SCOC: variants seen among roughly 807,000 people sequenced by gnomAD.
SCOC encodes the protein short coiled-coil protein.
In SCOC, 7 loss-of-function variants were observed where a neutral mutation model predicts 9.9. The ratio of observed to expected loss-of-function variants is 0.71; its 90% CI spans 0.40 to 1.33. SCOC has a LOEUF of 1.33. SCOC is among the 40% of genes most tolerant of loss of function. SCOC has a pLI of 0.01. For synonymous variants in SCOC, 19 were observed against 28.2 expected (o/e 0.67, Z 1.03); for missense variants, 66 against 89.7 (o/e 0.74, Z 1.07).
At chr4:140,347,323 A>G (rs959011727) in intron 2 of SCOC, among the ~76,000 whole-genome samples, 3 of 152,166 alleles carry the variant, frequency 2.0e-5, no homozygotes, top group African/African-American at 7.2e-5. Context: ...AAGATAGTTT[A>G]GGAATCTATG....
At chr4:140,328,983 C>A (rs1335671821) in intron 1 of SCOC, among the ~76,000 whole-genome samples, 1 of 152,138 alleles carries the variant, frequency 6.6e-6, no homozygotes, top group Non-Finnish European at 1.5e-5. Flanking sequence ...AAAGAGCCCA[C>A]ATAGCCAAAG....
intron 2 of SCOC, among the ~76,000 whole-genome samples, chr4:140,354,044 CA>C (rs1347806625): frequency 1.3e-5 from 2 of 152,214 alleles, no homozygotes; most frequent in Non-Finnish European, 2.9e-5. Context: ...TTTTAAAACA[CA>C]TTCTTCTTTT....
chr4:140,355,251 T>TATATATA (rs1560716645), intron 2 of SCOC, among the ~76,000 whole-genome samples: 1 of 140,972 alleles, frequency 7.1e-6, no homozygotes, highest in African/African-American at 2.6e-5. Context: ...ATATATATAA[T>TATATATA]GTATATAAAA....
intron 1 of SCOC, among the ~76,000 whole-genome samples, chr4:140,315,124 A>G (rs1393042378): frequency 6.6e-6 from 1 of 152,186 alleles, no homozygotes; most frequent in African/African-American, 2.4e-5. Flanking sequence ...AAAGAACTCC[A>G]TATTCTCTCT....
chr4:140,309,112 A>G (rs190746838), intron 1 of SCOC, among the ~76,000 whole-genome samples: 33 of 152,354 alleles, frequency 2.2e-4, no homozygotes, highest in Non-Finnish European at 4.6e-4. Context: ...ATCATTGAGC[A>G]TAAGAGCTGA....
intron 2 of SCOC, among the ~76,000 whole-genome samples, chr4:140,346,408 C>T (rs1162419446): frequency 3.3e-5 from 5 of 152,232 alleles, no homozygotes; most frequent in Non-Finnish European, 7.4e-5. Flanking sequence ...CTCGAGTCCC[C>T]GGCACTGATC....
chr4:140,315,878 CA>C (rs974846229), intron 1 of SCOC, among the ~76,000 whole-genome samples: 2 of 152,012 alleles, frequency 1.3e-5, no homozygotes, highest in Non-Finnish European at 2.9e-5. Flanking sequence ...TTTTATTAGA[CA>C]AGAGAAATAG....
At chr4:140,267,237 G>A (rs532461748) in intron 1 of SCOC, among the ~76,000 whole-genome samples, 24 of 152,304 alleles carry the variant, frequency 1.6e-4, no homozygotes, top group African/African-American at 5.1e-4. Flanking sequence ...CCAAAGGAGC[G>A]GGTTGACTGA....
chr4:140,309,151 A>C (rs1732078319), intron 1 of SCOC, among the ~76,000 whole-genome samples: 1 of 152,208 alleles, frequency 6.6e-6, no homozygotes, highest in Non-Finnish European at 1.5e-5. Flanking sequence ...TCTTCCCAAG[A>C]CAGCTGTTTT....
At chr4:140,313,537 C>T (rs533483783) in intron 1 of SCOC, among the ~76,000 whole-genome samples, 12 of 152,306 alleles carry the variant, frequency 7.9e-5, no homozygotes, top group African/African-American at 2.9e-4. Context: ...CAGGCATGAA[C>T]GACTGTGCCC....
At chr4:140,330,459 GC>G (rs1483113641) in intron 1 of SCOC, among the ~76,000 whole-genome samples, 4 of 152,114 alleles carry the variant, frequency 2.6e-5, no homozygotes, top group African/African-American at 9.7e-5. Flanking sequence ...AAATGCTGAA[GC>G]TTTTTGTTAA....
At chr4:140,371,155 G>C (rs185076661), upstream of SCOC, among the ~76,000 whole-genome samples, 1 of 152,106 alleles carries the variant, frequency 6.6e-6, no homozygotes, top group African/African-American at 2.4e-5. Flanking sequence ...AAAGTGCTGG[G>C]ATTACAGCCG....
At chr4:140,267,602 C>A (rs1408828316) in intron 1 of SCOC, among the ~76,000 whole-genome samples, 1 of 152,106 alleles carries the variant, frequency 6.6e-6, no homozygotes, top group Non-Finnish European at 1.5e-5. Context: ...GAGGCCTTCT[C>A]CCCTCCTTCC....
At chr4:140,362,301 T>TCCTCTTCCTCTTCCTCTTCCTC in intron 2 of SCOC, among the ~76,000 whole-genome samples, 1 of 29,408 alleles carries the variant, frequency 3.4e-5, no homozygotes, top group Non-Finnish European at 7.4e-5. Context: ...TTCTTCTTCT[T>TCCTCTTCCTCTTCCTCTTCCTC]TTTTTTTTTT....
chr4:140,298,795 A>C (rs885428), intron 1 of SCOC, among the ~76,000 whole-genome samples: 23,493 of 152,156 alleles, frequency 0.15, 2,459 homozygotes, highest in East Asian at 0.35. Flanking sequence ...GATTTCTTAA[A>C]ATTTTAATTA....
intron 2 of SCOC, among the ~76,000 whole-genome samples, chr4:140,365,031 G>A (rs949986846): frequency 2.0e-5 from 3 of 152,064 alleles, no homozygotes; most frequent in African/African-American, 4.8e-5. Flanking sequence ...AGATGTCATC[G>A]TTGTTATAAA....
At chr4:140,351,213 A>C (rs1032932097) in intron 2 of SCOC, among the ~76,000 whole-genome samples, 24 of 151,372 alleles carry the variant, frequency 1.6e-4, no homozygotes, top group African/African-American at 3.1e-4. Flanking sequence ...AAGAAGAAGA[A>C]GGCTCTGAGA....
At chr4:140,378,614 A>G (rs571073874) in intron 1 of SCOC, among the ~76,000 whole-genome samples, 2 of 152,116 alleles carry the variant, frequency 1.3e-5, no homozygotes, top group African/African-American at 4.8e-5. Context: ...CACAACTGTA[A>G]TTTACCAGAC....
At chr4:140,373,609 C>G, upstream of SCOC, 1 of 1,551,678 alleles carries the variant, frequency 6.4e-7, no homozygotes, top group Non-Finnish European at 8.7e-7. Flanking sequence ...CTTCTCACGG[C>G]GCACGTTCTG....
Sources: gnomAD v4.1 joint callset for allele counts (sites outside exome capture counted in the v4.1 genomes callset) on GRCh38, gnomAD v4.1.1 for gene constraint, MANE v1.5 for transcripts, NCBI Gene and HGNC (gene_info 2026-07-23, HGNC 2026-07-21) for gene names.